GOLGA5: variants seen among roughly 807,000 people sequenced by gnomAD.
GOLGA5 encodes golgin A5.
Under a neutral mutation model 93.5 loss-of-function variants are expected in GOLGA5, and 50 were observed. The observed-to-expected ratio is 0.53, with a 90% CI of 0.43 to 0.68. GOLGA5 has a LOEUF of 0.68. GOLGA5 is among the 30% of genes least tolerant of loss of function. GOLGA5 has a pLI of 0.00. For missense variants in GOLGA5, 760 were observed against 856.4 expected (o/e 0.89, Z 1.40); for synonymous variants, 312 against 304.5 (o/e 1.02, Z -0.26).
rs192786209 is a variant in GOLGA5 at position 92,814,068 on chromosome 14, G to A, written c.1321-2183G>A. On this transcript the variant is annotated intron_variant, in intron 6 of 12. Coordinates refer to ENST00000163416, the MANE Select transcript of GOLGA5 (RefSeq NM_005113.4). ...GGTTAGGGTTAAAGGAGAGTATGAC[G>A]AATTATGGTAAGTATGCAAAATTGA... 7.2e-5 allele frequency among the ~76,000 whole-genome samples: 11 copies of A among 152,180 alleles called. No homozygotes were observed. The East Asian group carries it at 1.9e-3, about 27-fold the overall frequency.
intron 12 of GOLGA5, among the ~76,000 whole-genome samples, chr14:92,838,399 G>A (rs1030353211): frequency 4.6e-5 from 7 of 151,398 alleles, no homozygotes; most frequent in African/African-American, 7.3e-5. Flanking sequence ...ACTGAGTCTC[G>A]CTCTGTCACC....
chr14:92,798,396 TTG>T (rs971149938), intron 2 of GOLGA5, among the ~76,000 whole-genome samples: 1 of 152,154 alleles, frequency 6.6e-6, no homozygotes. Flanking sequence ...GTTGTGTTTT[TTG>T]TGTGTTTTTC....
chr14:92,809,561 G>T (rs1220694594), intron 4 of GOLGA5, 42 bp downstream of exon 4: 3 of 1,216,264 alleles, frequency 2.5e-6, no homozygotes, highest in African/African-American at 3.0e-5. Flanking sequence ...AGCAAGTAAT[G>T]GTAAACATTG....
intron 6 of GOLGA5, among the ~76,000 whole-genome samples, chr14:92,812,080 G>T (rs1237803193): frequency 6.6e-6 from 1 of 152,176 alleles, no homozygotes; most frequent in African/African-American, 2.4e-5. Context: ...TGCAGCAACT[G>T]CTTTAGGACT....
intron 7 of GOLGA5, among the ~76,000 whole-genome samples, chr14:92,818,382 A>C (rs2140325588): frequency 6.6e-6 from 1 of 152,342 alleles, no homozygotes; most frequent in East Asian, 1.9e-4. Context: ...ATAGTTGAAG[A>C]AATTTAGGCA....
chr14:92,834,355 C>T (rs1223985682), intron 10 of GOLGA5, among the ~76,000 whole-genome samples: 5 of 152,032 alleles, frequency 3.3e-5, no homozygotes, highest in African/African-American at 9.7e-5. Flanking sequence ...CTCCTCCCCC[C>T]TCCCCCAGCC....
chr14:92,821,178 G>A (rs756332079), intron 8 of GOLGA5, among the ~76,000 whole-genome samples: 2 of 152,156 alleles, frequency 1.3e-5, no homozygotes, highest in Non-Finnish European at 2.9e-5. Context: ...ATATTCATCA[G>A]TTGGTTTTCA....
At position 92,808,354 on chromosome 14, in the gene GOLGA5, G is replaced by A. The variant is rs956529670; in HGVS notation, c.773-946G>A. 2.0e-5 allele frequency among the ~76,000 whole-genome samples: 3 copies of A among 152,186 alleles called. No individual in the cohort carries two copies. In the East Asian group the frequency reaches 5.8e-4, roughly 29 times the overall value. ...TTAGACATAGAAATAGAGCTGTTTGGCCAGGCACAGTGAGTCACGCCTGTA... is the reference window on the plus strand; with the variant it reads ...TTAGACATAGAAATAGAGCTGTTTGACCAGGCACAGTGAGTCACGCCTGTA... On this transcript the variant is annotated intron_variant, in intron 3 of 12. Coordinates refer to ENST00000163416, the MANE Select transcript of GOLGA5 (RefSeq NM_005113.4).
At position 92,837,572 on chromosome 14, in the gene GOLGA5, T is replaced by G. The variant is rs1212392832; in HGVS notation, c.2115+123T>G. The G allele has an allele frequency of 6.3e-6, 4 of 637,676 alleles. No homozygotes were observed. In the East Asian group the frequency reaches 8.2e-5, roughly 13 times the overall value. The allele number at this position is 637,676 out of a possible 1,614,324, so 39.5% of individuals were successfully genotyped here. On this transcript the variant is annotated intron_variant, in intron 12 of 12. Transcript: ENST00000163416. Reference sequence around the variant, plus strand: ...TTTTAGCAATCAATCAATTTTTTTTTGTTTTTTTTGAAACAGGGTCTGGCT... The same window carrying G: ...TTTTAGCAATCAATCAATTTTTTTTGGTTTTTTTTGAAACAGGGTCTGGCT...
intron 9 of GOLGA5, among the ~76,000 whole-genome samples, chr14:92,832,251 C>G (rs1885545786): frequency 1.3e-5 from 2 of 152,012 alleles, no homozygotes; most frequent in Non-Finnish European, 2.9e-5. Flanking sequence ...AGTAGTAAAC[C>G]TTAGTTTATG....
At chr14:92,819,522 C>T (rs1885272283) in intron 7 of GOLGA5, among the ~76,000 whole-genome samples, 186 bp from the exon 8 acceptor site, 2 of 151,896 alleles carry the variant, frequency 1.3e-5, no homozygotes, top group Admixed American at 6.5e-5. Flanking sequence ...AGTCCCGCTA[C>T]TCGGGAGGCT....
intron 3 of GOLGA5, 23 bp from the exon 4 acceptor site, chr14:92,809,277 G>T: frequency 6.6e-7 from 1 of 1,517,416 alleles, no homozygotes; most frequent in South Asian, 1.1e-5. Context: ...TGCTTGTATA[G>T]AGAAATTTAA....
chr14:92,833,328 T>C lies in GOLGA5; in HGVS notation c.1926T>C (p.Ser642=). 6.2e-7 allele frequency: 1 copy of C among 1,603,602 alleles called. No individual in the cohort carries two copies. Among genetic ancestry groups the C allele is most frequent in the Non-Finnish European group, 8.5e-7 (1 of 1,170,408 alleles). ...SSSNGSSINM[S]GIDNGEGTRL... Reference sequence around the variant, plus strand: ...GTAATGGGTCTTCGATTAATATGTCTGGAATTGACAATGGTGAAGGTAATC... The same window carrying C: ...GTAATGGGTCTTCGATTAATATGTCCGGAATTGACAATGGTGAAGGTAATC... The change falls in exon 10 of 13, where the codon TCT becomes TCC. Residue 642 remains serine (S), a synonymous_variant. Transcript: ENST00000163416.
intron 9 of GOLGA5, among the ~76,000 whole-genome samples, chr14:92,827,811 A>G (rs891147943): frequency 6.6e-6 from 1 of 152,240 alleles, no homozygotes; most frequent in Admixed American, 6.5e-5. Context: ...AAACAGCCTT[A>G]TTGCTGACAA....
chr14:92,826,562 G>A (rs1054008891), intron 9 of GOLGA5, among the ~76,000 whole-genome samples: 4 of 151,986 alleles, frequency 2.6e-5, no homozygotes, highest in Non-Finnish European at 5.9e-5. Flanking sequence ...GCTGGGCATG[G>A]TGGTGCAGAC....
At chr14:92,801,730 TTTTTC>T (rs1324181406) in intron 2 of GOLGA5, among the ~76,000 whole-genome samples, 2 of 60,380 alleles carry the variant, frequency 3.3e-5, no homozygotes, top group African/African-American at 2.0e-4. Flanking sequence ...TTCAATTCCC[TTTTTC>T]TTTTTTTTTT....
At chr14:92,812,496 CCTTT>C (rs1885123276) in intron 6 of GOLGA5, among the ~76,000 whole-genome samples, 1 of 152,194 alleles carries the variant, frequency 6.6e-6, no homozygotes, top group African/African-American at 2.4e-5. Flanking sequence ...TCCCTATCTT[CCTTT>C]CTTTCAGTGT....
chr14:92,823,297 C>G (rs1885351806), intron 8 of GOLGA5, among the ~76,000 whole-genome samples: 1 of 152,084 alleles, frequency 6.6e-6, no homozygotes, highest in South Asian at 2.1e-4. Context: ...TGTTCTCTTC[C>G]ATTAGTCACT....
chr14:92,814,626 T>A (rs1422577461), intron 6 of GOLGA5, among the ~76,000 whole-genome samples: 1 of 152,126 alleles, frequency 6.6e-6, no homozygotes, highest in East Asian at 1.9e-4. Flanking sequence ...ATTTGAAGAA[T>A]ACAAAAGAAG....
Sources: allele counts gnomAD v4.1 joint callset (sites outside exome capture counted in the v4.1 genomes callset), GRCh38; gene constraint gnomAD v4.1.1; transcripts MANE v1.5; gene names NCBI Gene and HGNC (gene_info 2026-07-23, HGNC 2026-07-21).